Variants in ADARB2 observed in about 807,000 individuals in gnomAD.
ADARB2 encodes adenosine deaminase RNA specific B2 (inactive).
A neutral mutation model predicts 62.2 loss-of-function variants in ADARB2; 25 were observed. That is an observed-to-expected ratio of 0.40 (90% CI 0.29 to 0.56). The LOEUF (loss-of-function observed/expected upper bound fraction) is 0.56, where lower values mean the gene tolerates loss of function less well. ADARB2 is among the 20% of genes least tolerant of loss of function. The pLI, the probability that ADARB2 is intolerant of heterozygous loss-of-function variation, is 0.43. For missense variants in ADARB2, 1,071 were observed against 1,077.4 expected (o/e 0.99, Z 0.08); for synonymous variants, 572 against 500.8 (o/e 1.14, Z -1.90).
intron 1 of ADARB2, among the ~76,000 whole-genome samples, chr10:1,484,736 A>G (rs1444542155): frequency 6.6e-6 from 1 of 152,084 alleles, no homozygotes; most frequent in African/African-American, 2.4e-5. Flanking sequence ...GGAGGTGTGT[A>G]TGTAGGCGTG....
chr10:1,288,094 C>G (rs535798297), intron 3 of ADARB2, among the ~76,000 whole-genome samples: 55 of 152,342 alleles, frequency 3.6e-4, no homozygotes, highest in African/African-American at 1.3e-3. Context: ...TAAAGGGAAG[C>G]CTGAAAGGAG....
chr10:1,438,151 G>T (rs543976774), intron 1 of ADARB2, among the ~76,000 whole-genome samples: 4 of 152,182 alleles, frequency 2.6e-5, no homozygotes, highest in African/African-American at 9.7e-5. Flanking sequence ...GACAGAGCAG[G>T]TCCTTCACTA....
intron 6 of ADARB2, among the ~76,000 whole-genome samples, chr10:1,221,176 T>C (rs1345650602): frequency 3.9e-5 from 6 of 152,140 alleles, no homozygotes; most frequent in Non-Finnish European, 8.8e-5. Context: ...CTGTAGTGGA[T>C]TTAGAGTGTG....
At chr10:1,380,266 C>T (rs768831475) in intron 1 of ADARB2, among the ~76,000 whole-genome samples, 3 of 152,222 alleles carry the variant, frequency 2.0e-5, no homozygotes, top group Non-Finnish European at 4.4e-5. Flanking sequence ...GTGCAGAGCG[C>T]GACAGAAGCA....
At chr10:1,272,819 T>C (rs1831275652) in intron 3 of ADARB2, among the ~76,000 whole-genome samples, 1 of 152,154 alleles carries the variant, frequency 6.6e-6, no homozygotes, top group African/African-American at 2.4e-5. Context: ...GCTGGAAAAA[T>C]ACCCTTAACT....
chr10:1,725,586 C>T (rs978693108), intron 1 of ADARB2, among the ~76,000 whole-genome samples: 1 of 152,190 alleles, frequency 6.6e-6, no homozygotes, highest in African/African-American at 2.4e-5. Context: ...CCAGAAGAGA[C>T]GCCCAGGACC....
intron 8 of ADARB2, among the ~76,000 whole-genome samples, chr10:1,190,244 A>G (rs188692473): frequency 5.9e-5 from 9 of 152,184 alleles, no homozygotes. Context: ...AAACACGTAC[A>G]CGTGCTTGCA....
At chr10:1,411,682 C>T (rs569927604) in intron 1 of ADARB2, among the ~76,000 whole-genome samples, 3 of 152,050 alleles carry the variant, frequency 2.0e-5, no homozygotes, top group Non-Finnish European at 4.4e-5. Flanking sequence ...CACAGTGTGT[C>T]GGGTGTGAGC....
At chr10:1,274,186 G>T (rs140996385) in intron 3 of ADARB2, among the ~76,000 whole-genome samples, 201 of 152,368 alleles carry the variant, frequency 1.3e-3, no homozygotes, top group African/African-American at 4.8e-3. Flanking sequence ...GGGCAGCACC[G>T]ATCAGCATTG....
chr10:1,419,280 G>A (rs1422555029), intron 1 of ADARB2, among the ~76,000 whole-genome samples: 1 of 152,110 alleles, frequency 6.6e-6, no homozygotes, highest in Non-Finnish European at 1.5e-5. Context: ...TTTTTTAGTA[G>A]AGATGGGGTT....
intron 1 of ADARB2, among the ~76,000 whole-genome samples, chr10:1,490,849 C>T (rs188832149): frequency 7.9e-4 from 121 of 152,272 alleles, no homozygotes; most frequent in East Asian, 7.7e-4. Context: ...TTCTCTGTTT[C>T]CAAGGACCAT....
chr10:1,421,551 C>T (rs1832852973), intron 1 of ADARB2, among the ~76,000 whole-genome samples: 2 of 152,040 alleles, frequency 1.3e-5, no homozygotes, highest in South Asian at 2.1e-4. Flanking sequence ...TACTGTGGGC[C>T]AGACACTATC....
rs555784972 is a variant in ADARB2, at chr10:1,513,765, G to C, written c.101-134605C>G. 1.3e-5 allele frequency among the ~76,000 whole-genome samples: 2 copies of C among 152,264 alleles called. 1 individual carries two copies. The highest frequency in any genetic ancestry group is 4.1e-4 in the South Asian group (2 of 4,824). ...GGAGAAGCTCTGGGCCGGTAGAGTTGGATCACAGCTAATCATGCTGGCTTG... is the reference window on the plus strand; with the variant it reads ...GGAGAAGCTCTGGGCCGGTAGAGTTCGATCACAGCTAATCATGCTGGCTTG... On this transcript the variant is annotated intron_variant, in intron 1 of 9. Coordinates refer to ENST00000381312, the MANE Select transcript of ADARB2 (RefSeq NM_018702.4).
chr10:1,509,600 A>G (rs1831895445), intron 1 of ADARB2, among the ~76,000 whole-genome samples: 1 of 152,202 alleles, frequency 6.6e-6, no homozygotes, highest in Non-Finnish European at 1.5e-5. Flanking sequence ...AGGCTTGACT[A>G]TTTGTCTTTA....
At chr10:1,538,409 T>C (rs1325780159) in intron 1 of ADARB2, among the ~76,000 whole-genome samples, 1 of 152,116 alleles carries the variant, frequency 6.6e-6, no homozygotes, top group Non-Finnish European at 1.5e-5. Context: ...TCTCCTCAAT[T>C]TGCATTAGAC....
intron 1 of ADARB2, among the ~76,000 whole-genome samples, chr10:1,635,526 C>T (rs979613567): frequency 3.3e-5 from 5 of 152,122 alleles, no homozygotes; most frequent in African/African-American, 4.8e-5. Context: ...CCTAGTGTTG[C>T]GTTGAAATCT....
chr10:1,656,933 A>T (rs1353901903), intron 1 of ADARB2, among the ~76,000 whole-genome samples: 1 of 152,080 alleles, frequency 6.6e-6, no homozygotes, highest in Non-Finnish European at 1.5e-5. Context: ...TCCTTCAAAG[A>T]TAAGATACTT....
rs1830903428 is a variant in ADARB2 at position 1,240,332 on chromosome 10, C to CGGTGTTTACTCCCCTCTGCCTCCA, written c.1361+1798_1361+1799insTGGAGGCAGAGGGGAGTAAACACC. The CGGTGTTTACTCCCCTCTGCCTCCA allele has an allele frequency of 2.3e-4, 28 of 123,222 alleles. 2 individuals carry two copies. Among genetic ancestry groups the CGGTGTTTACTCCCCTCTGCCTCCA allele is most frequent in the East Asian group, 1.5e-3 (5 of 3,388 alleles). 7.6% of individuals were successfully genotyped at this position (123,222 alleles called of 1,614,324 possible). On this transcript the variant is annotated intron_variant, in intron 5 of 9. Transcript: ENST00000381312. ...CCGGTGTTTACTCCCCTCTGCCTCC[C>CGGTGTTTACTCCCCTCTGCCTCCA]GGTGTTTACTCCCTGTGTCCTGGTG...
At chr10:1,221,169 T>C (rs1242770529) in intron 6 of ADARB2, among the ~76,000 whole-genome samples, 3 of 152,178 alleles carry the variant, frequency 2.0e-5, no homozygotes, top group Non-Finnish European at 4.4e-5. Context: ...AAATGATCTG[T>C]AGTGGATTTA....
Sources: allele counts gnomAD v4.1 joint callset (sites outside exome capture counted in the v4.1 genomes callset), GRCh38; gene constraint gnomAD v4.1.1; transcripts MANE v1.5; gene names NCBI Gene and HGNC (gene_info 2026-07-23, HGNC 2026-07-21).